Variants in NTM observed in about 807,000 individuals in gnomAD.
NTM encodes the protein IgLON family member 2.
In NTM, 13 loss-of-function variants were observed where a neutral mutation model predicts 42.1. The observed-to-expected ratio is 0.31, with a 90% CI of 0.20 to 0.49. The LOEUF is 0.49. Among genes scored for constraint, NTM ranks in the 20% least tolerant of loss-of-function variants. NTM has a pLI of 0.99. For synonymous variants in NTM, 187 were observed against 179.2 expected (o/e 1.04, Z -0.35); for missense variants, 373 against 452.8 (o/e 0.82, Z 1.60).
At chr11:131,604,789 A>G (rs1319953065) in intron 1 of NTM, among the ~76,000 whole-genome samples, 1 of 151,822 alleles carries the variant, frequency 6.6e-6, no homozygotes, top group Non-Finnish European at 1.5e-5. Context: ...CAGTTGTCCT[A>G]GCATCAGTTT....
chr11:131,876,230 T>C (rs1052190962), intron 1 of NTM, among the ~76,000 whole-genome samples: 1 of 152,206 alleles, frequency 6.6e-6, no homozygotes, highest in East Asian at 1.9e-4. Context: ...TCTCCAGCTG[T>C]GTGGGTGCCT....
chr11:132,319,065 C>T lies in NTM; in HGVS notation c.934+4362C>T, dbSNP rs529378680. Among the ~76,000 whole-genome samples the T allele has an allele frequency of 1.5e-4, 23 of 152,266 alleles. No homozygotes were observed. The South Asian group carries it at 3.5e-3, about 23-fold the overall frequency. ...CAGATTCAACCTATGATTCAACTTA[C>T]GTTTATTGAACCTCCATGTGACTGT... is the stretch of plus-strand genomic sequence containing the variant. On this transcript the variant is annotated intron_variant, in intron 7 of 8. Coordinates refer to ENST00000683400, the MANE Select transcript of NTM (RefSeq NM_001352005.2).
At chr11:131,622,410 C>T (rs2062669482) in intron 1 of NTM, among the ~76,000 whole-genome samples, 1 of 152,156 alleles carries the variant, frequency 6.6e-6, no homozygotes, top group Non-Finnish European at 1.5e-5. Flanking sequence ...TCAGGGACAG[C>T]CGCTCATTTG....
intron 2 of NTM, among the ~76,000 whole-genome samples, chr11:132,032,065 C>T (rs1258384801): frequency 6.6e-6 from 1 of 152,034 alleles, no homozygotes; most frequent in African/African-American, 2.4e-5. Flanking sequence ...CTGTTCTGAC[C>T]AAAGTTCTCA....
intron 4 of NTM, among the ~76,000 whole-genome samples, chr11:132,214,601 C>T (rs2083470722): frequency 6.6e-6 from 1 of 152,184 alleles, no homozygotes; most frequent in African/African-American, 2.4e-5. Flanking sequence ...ATTCTCTCTT[C>T]CCTCCTTGCA....
At chr11:132,196,904 C>T (rs2080310986) in intron 3 of NTM, among the ~76,000 whole-genome samples, 1 of 152,110 alleles carries the variant, frequency 6.6e-6, no homozygotes, top group Non-Finnish European at 1.5e-5. Context: ...AAGTAACAAA[C>T]CTGCACATGT....
chr11:132,072,825 T>A (rs1352293236), intron 2 of NTM, among the ~76,000 whole-genome samples: 1 of 152,130 alleles, frequency 6.6e-6, no homozygotes, highest in African/African-American at 2.4e-5. Flanking sequence ...TCCTCCTCAC[T>A]GTGGTGCCTG....
At chr11:131,499,903 G>A (rs2046521850) in intron 1 of NTM, among the ~76,000 whole-genome samples, 1 of 152,166 alleles carries the variant, frequency 6.6e-6, no homozygotes, top group African/African-American at 2.4e-5. Context: ...ATTATTTTAG[G>A]AATAATTTCT....
At chr11:131,513,148 G>A (rs536743931) in intron 1 of NTM, among the ~76,000 whole-genome samples, 8 of 152,344 alleles carry the variant, frequency 5.3e-5, no homozygotes, top group Admixed American at 1.3e-4. Context: ...GTGTGAACGC[G>A]TAAGCTGTGG....
Position 131,994,539 on chromosome 11 carries a change from G to C in NTM, c.167+82891G>C, listed in dbSNP as rs116042528. ...CATTAGAAGGTGCACAGAAACAGGAGCATCTAATGTGAGCGGGTGTGTTGG... is the reference window on the plus strand; with the variant it reads ...CATTAGAAGGTGCACAGAAACAGGACCATCTAATGTGAGCGGGTGTGTTGG... On this transcript the variant is annotated intron_variant, in intron 2 of 8. Transcript: ENST00000683400. Among the ~76,000 whole-genome samples, 5 of 152,296 alleles carry C rather than the reference G, an allele frequency of 3.3e-5. 1 individual carries two copies. The highest frequency in any genetic ancestry group is 1.2e-4 in the African/African-American group (5 of 41,564).
At chr11:131,488,456 A>T (rs754528974) in intron 1 of NTM, among the ~76,000 whole-genome samples, 2 of 152,170 alleles carry the variant, frequency 1.3e-5, no homozygotes, top group Admixed American at 6.5e-5. Flanking sequence ...CAGAAGGGCA[A>T]AAGCCGTCAG....
chr11:132,070,041 A>G (rs557678434), intron 2 of NTM, among the ~76,000 whole-genome samples: 1 of 142,614 alleles, frequency 7.0e-6, no homozygotes, highest in South Asian at 2.2e-4. Context: ...ACTGACCGTC[A>G]CAGGTTAGTT....
At chr11:132,101,325 GACA>G (rs1428412038) in intron 2 of NTM, among the ~76,000 whole-genome samples, 3 of 152,108 alleles carry the variant, frequency 2.0e-5, no homozygotes, top group Admixed American at 2.0e-4. Flanking sequence ...ATCCACCTGT[GACA>G]TCACTCTACC....
At chr11:131,382,108 A>T (rs1942758512) in intron 1 of NTM, among the ~76,000 whole-genome samples, 1 of 152,140 alleles carries the variant, frequency 6.6e-6, no homozygotes, top group African/African-American at 2.4e-5. Context: ...CTCAACTTCC[A>T]GATTCTGTTA....
At chr11:132,181,955 TTTATTATTATTATTATTA>T (rs56263428) in intron 3 of NTM, among the ~76,000 whole-genome samples, 88 of 141,010 alleles carry the variant, frequency 6.2e-4, no homozygotes, top group South Asian at 2.3e-3. Context: ...CACTATCTAG[TTTATTATTATTATTATTA>T]TTATTATTAT....
intron 1 of NTM, among the ~76,000 whole-genome samples, chr11:131,832,157 A>T (rs573194700): frequency 1.3e-5 from 2 of 149,108 alleles, no homozygotes; most frequent in Admixed American, 1.4e-4. Context: ...AGCAAGCATA[A>T]ACACTTGGGT....
Position 132,335,177 on chromosome 11 carries a change from C to A in NTM, c.*31C>A, listed in dbSNP as rs2095862988. On this transcript the variant is annotated 3_prime_UTR_variant, in exon 9 of 9. Coordinates refer to ENST00000683400, the MANE Select transcript of NTM (RefSeq NM_001352005.2). ...GTGCCACTTCCCCACCCGGGAAAGG[C>A]TGCCGCCACCACCACCACCAACACA... The A allele has an allele frequency of 6.2e-7, 1 of 1,608,920 alleles. No individual in the cohort carries two copies.
intron 3 of NTM, among the ~76,000 whole-genome samples, chr11:132,208,806 T>C (rs2082379558): frequency 6.6e-6 from 1 of 152,192 alleles, no homozygotes; most frequent in African/African-American, 2.4e-5. Flanking sequence ...GTTCACAAAG[T>C]CCATCATTTT....
chr11:131,803,721 C>T (rs1396677054), intron 1 of NTM, among the ~76,000 whole-genome samples: 1 of 152,214 alleles, frequency 6.6e-6, no homozygotes, highest in Non-Finnish European at 1.5e-5. Context: ...AATCTGCTTT[C>T]CTGGCCCTCC....
Sources: allele counts gnomAD v4.1 joint callset (sites outside exome capture counted in the v4.1 genomes callset), GRCh38; gene constraint gnomAD v4.1.1; transcripts MANE v1.5; gene names NCBI Gene and HGNC (gene_info 2026-07-23, HGNC 2026-07-21).